The following FTO variants were observed in gnomAD, a reference collection of about 807,000 sequenced individuals.
FTO encodes the protein FTO alpha-ketoglutarate dependent dioxygenase, also known as alpha-ketoglutarate-dependent dioxygenase FTO.
Under a neutral mutation model 63.9 loss-of-function variants are expected in FTO, and 47 were observed. The observed-to-expected ratio is 0.74, with a 90% CI of 0.58 to 0.94. The LOEUF (loss-of-function observed/expected upper bound fraction) is 0.94. Among genes scored for constraint, FTO ranks in the 40% least tolerant of loss-of-function variants. The pLI, the probability that FTO is intolerant of heterozygous loss-of-function variation, is 0.00. For missense variants in FTO, 562 were observed against 618.1 expected (o/e 0.91, Z 0.96); for synonymous variants, 207 against 224.4 (o/e 0.92, Z 0.69).
chr16:53,879,691 TA>T (rs34252518), intron 5 of FTO, among the ~76,000 whole-genome samples, 152 bp from the exon 6 acceptor site: 47,582 of 95,070 alleles, frequency 0.5, 9,820 homozygotes, highest in East Asian at 0.88. Context: ...ATCTCAAAAT[TA>T]AAAAAAAAAA....
At chr16:53,732,901 A>G (rs928943365) in intron 1 of FTO, among the ~76,000 whole-genome samples, 1 of 152,214 alleles carries the variant, frequency 6.6e-6, no homozygotes, top group Non-Finnish European at 1.5e-5. Context: ...CAGGGAAGGA[A>G]TGAATGAGTA....
At chr16:53,911,627 T>G (rs1480452013) in intron 7 of FTO, 4 of 629,498 alleles carry the variant, frequency 6.4e-6, no homozygotes, top group Non-Finnish European at 1.2e-5. Context: ...TGAGAGGAAG[T>G]GCACTGTAGC....
At chr16:53,882,224 T>G (rs2151894980) in intron 6 of FTO, among the ~76,000 whole-genome samples, 1 of 152,254 alleles carries the variant, frequency 6.6e-6, no homozygotes, top group East Asian at 1.9e-4. Flanking sequence ...CTATAATTAA[T>G]TACTGAGCAC....
In FTO at chr16:54,112,288, G is replaced by A. The variant is rs536277224; in HGVS notation, c.*373G>A. The A allele has an allele frequency of 8.0e-5, 25 of 312,662 alleles. No homozygotes were observed. Among genetic ancestry groups the A allele is most frequent in the Non-Finnish European group, 1.5e-4 (24 of 162,338 alleles). The allele number at this position is 312,662 out of a possible 1,614,324, so 19.4% of individuals were successfully genotyped here. A position where few individuals can be genotyped will look rare whatever the true frequency, so the allele number is the denominator to read the frequency against. On this transcript the variant is annotated 3_prime_UTR_variant, in exon 9 of 9. Coordinates refer to ENST00000471389, the MANE Select transcript of FTO (RefSeq NM_001080432.3). ...CTCTGGAGTGGACCCAGCCCTCTGG[G>A]GAAAGACAGAACTTAGAGACATCCC...
intron 1 of FTO, among the ~76,000 whole-genome samples, chr16:53,708,347 A>C (rs568696672): frequency 1.3e-5 from 2 of 151,384 alleles, no homozygotes; most frequent in Non-Finnish European, 2.9e-5. Context: ...CCTGGGTGAC[A>C]GAGTGAGACT....
At chr16:53,743,108 A>C (rs16952495) in intron 1 of FTO, among the ~76,000 whole-genome samples, 1,880 of 152,304 alleles carry the variant, frequency 0.012, 32 homozygotes, top group East Asian at 0.04. Context: ...CAGGCTCTCA[A>C]CAATCTATAG....
chr16:54,026,550 A>G (rs1364938341), intron 8 of FTO, among the ~76,000 whole-genome samples: 1 of 152,160 alleles, frequency 6.6e-6, no homozygotes, highest in Admixed American at 6.5e-5. Context: ...CTCTCAACAA[A>G]ATCAGGCCTG....
chr16:53,956,352 C>T (rs1234801279), intron 8 of FTO, among the ~76,000 whole-genome samples: 1 of 151,858 alleles, frequency 6.6e-6, no homozygotes, highest in Non-Finnish European at 1.5e-5. Flanking sequence ...GGAAAGAGTG[C>T]TCTGGGGAGT....
At chr16:53,883,846 A>G (rs1439425312) in intron 6 of FTO, among the ~76,000 whole-genome samples, 3 of 152,136 alleles carry the variant, frequency 2.0e-5, no homozygotes, top group Admixed American at 2.0e-4. Context: ...CCTTACTTTC[A>G]CAATTAATTC....
chr16:53,840,617 G>C (rs2079446776), intron 3 of FTO, among the ~76,000 whole-genome samples: 1 of 152,180 alleles, frequency 6.6e-6, no homozygotes, highest in East Asian at 1.9e-4. Context: ...TTATGTAAAT[G>C]AATGGGCATG....
At chr16:54,019,665 A>G (rs997543329) in intron 8 of FTO, among the ~76,000 whole-genome samples, 5 of 152,188 alleles carry the variant, frequency 3.3e-5, no homozygotes, top group Non-Finnish European at 7.3e-5. Flanking sequence ...TCCTATGGGA[A>G]AGAAATAGGA....
chr16:54,053,979 A>C (rs991500475), intron 8 of FTO, among the ~76,000 whole-genome samples: 6 of 151,750 alleles, frequency 4.0e-5, no homozygotes, highest in Non-Finnish European at 7.4e-5. Flanking sequence ...TGGCTCCTGC[A>C]GCTCCGATTC....
intron 7 of FTO, among the ~76,000 whole-genome samples, chr16:53,914,242 CTTCT>C (rs2081799257): frequency 2.0e-5 from 3 of 150,398 alleles, no homozygotes; most frequent in Admixed American, 1.3e-4. Flanking sequence ...AGAAATACTT[CTTCT>C]TTCTTTCTTT....
At chr16:54,025,557 T>C (rs62034078) in intron 8 of FTO, among the ~76,000 whole-genome samples, 4,547 of 151,962 alleles carry the variant, frequency 0.03, 123 homozygotes, top group Middle Eastern at 0.12. Context: ...ATCTTGTCTC[T>C]ACTGAAAACA....
At chr16:53,838,417 T>C (rs1052201801) in intron 3 of FTO, among the ~76,000 whole-genome samples, 2 of 152,072 alleles carry the variant, frequency 1.3e-5, no homozygotes, top group Non-Finnish European at 2.9e-5. Flanking sequence ...TTCAAGTGAT[T>C]CTCCTGCCTC....
intron 7 of FTO, among the ~76,000 whole-genome samples, chr16:53,925,265 A>C (rs981071786): frequency 6.6e-6 from 1 of 152,026 alleles, no homozygotes. Context: ...ATATCTTTGT[A>C]ATTTGTGTGT....
chr16:53,893,714 C>T (rs927490319), intron 7 of FTO, among the ~76,000 whole-genome samples: 7 of 151,532 alleles, frequency 4.6e-5, no homozygotes, highest in Admixed American at 1.3e-4. Flanking sequence ...ATTCGACAAT[C>T]GTTTCCAGAG....
chr16:53,807,857 G>A (rs1158435264), intron 1 of FTO, among the ~76,000 whole-genome samples: 2 of 152,180 alleles, frequency 1.3e-5, no homozygotes, highest in Admixed American at 6.5e-5. Context: ...AAATGTACAA[G>A]TATGGCATGG....
intron 4 of FTO, among the ~76,000 whole-genome samples, chr16:53,861,533 T>G (rs1394870248): frequency 6.6e-6 from 1 of 152,220 alleles, no homozygotes; most frequent in African/African-American, 2.4e-5. Flanking sequence ...TCTTAACATT[T>G]ACTTTATCCC....
Sources: allele counts gnomAD v4.1 joint callset (sites outside exome capture counted in the v4.1 genomes callset), GRCh38; gene constraint gnomAD v4.1.1; transcripts MANE v1.5; gene names NCBI Gene and HGNC (gene_info 2026-07-23, HGNC 2026-07-21).